RAPGEF5: variants seen among roughly 807,000 people sequenced by gnomAD.
RAPGEF5 encodes Rap guanine nucleotide exchange factor 5.
In RAPGEF5, 65 loss-of-function variants were observed where a neutral mutation model predicts 125.2. The ratio of observed to expected loss-of-function variants is 0.52; its 90% CI spans 0.43 to 0.64. The LOEUF is 0.64. RAPGEF5 is among the 30% of genes least tolerant of loss of function. RAPGEF5 has a pLI of 0.00. For missense variants in RAPGEF5, 958 were observed against 1,048.1 expected (o/e 0.91, Z 1.19); for synonymous variants, 391 against 385.9 (o/e 1.01, Z -0.16).
At chr7:22,253,193 T>C (rs1174067273) in intron 7 of RAPGEF5, among the ~76,000 whole-genome samples, 1 of 152,190 alleles carries the variant, frequency 6.6e-6, no homozygotes, top group Non-Finnish European at 1.5e-5. Context: ...GAAAACATCC[T>C]AGGAATCATC....
At chr7:22,296,443 C>T (rs1237556028) in intron 5 of RAPGEF5, among the ~76,000 whole-genome samples, 4 of 152,042 alleles carry the variant, frequency 2.6e-5, no homozygotes, top group Non-Finnish European at 5.9e-5. Context: ...CAGAATAGAA[C>T]GGGTAAGGCA....
chr7:22,315,957 G>A (rs777323613), intron 2 of RAPGEF5, among the ~76,000 whole-genome samples: 6 of 152,118 alleles, frequency 3.9e-5, no homozygotes, highest in Non-Finnish European at 8.8e-5. Context: ...CAATTTGACA[G>A]CAGGCTGCTT....
intron 1 of RAPGEF5, among the ~76,000 whole-genome samples, chr7:22,345,711 T>C (rs949337833): frequency 2.0e-5 from 3 of 150,170 alleles, no homozygotes; most frequent in Non-Finnish European, 4.4e-5. Context: ...TTTTTTTTTT[T>C]TTTTTTTTAG....
rs376545444 is a variant in RAPGEF5, at chr7:22,146,175, T to C, written c.2007+722A>G. Among the ~76,000 whole-genome samples the C allele has an allele frequency of 2.6e-5, 4 of 152,310 alleles. No homozygotes were observed. The East Asian group carries it at 5.8e-4, about 22-fold the overall frequency. ...TATGAGGACATTTGGGTCTCTAAAT[T>C]GGGCATGAGGTTCCTTCTTCAGAAG... On this transcript the variant is annotated intron_variant, in intron 19 of 25. Transcript: ENST00000665637.
At chr7:22,333,815 G>GTCC (rs1444088181) in intron 1 of RAPGEF5, among the ~76,000 whole-genome samples, 2 of 152,226 alleles carry the variant, frequency 1.3e-5, no homozygotes, top group African/African-American at 4.8e-5. Context: ...CACTGTATAG[G>GTCC]TGCTCTTGTG....
chr7:22,155,365 A>G (rs1378687464), intron 16 of RAPGEF5, among the ~76,000 whole-genome samples: 1 of 152,218 alleles, frequency 6.6e-6, no homozygotes, highest in East Asian at 1.9e-4. Context: ...TTTAATAGCA[A>G]TGGAAGTAAC....
At chr7:22,296,496 G>A (rs937441419) in intron 5 of RAPGEF5, among the ~76,000 whole-genome samples, 1 of 152,168 alleles carries the variant, frequency 6.6e-6, no homozygotes, top group Non-Finnish European at 1.5e-5. Context: ...AACTTCAGCA[G>A]GACCAAAAGC....
chr7:22,290,175 A>G (rs1056374765), intron 6 of RAPGEF5, among the ~76,000 whole-genome samples: 3 of 152,250 alleles, frequency 2.0e-5, no homozygotes, highest in Non-Finnish European at 2.9e-5. Context: ...AAAACTCTGT[A>G]CAGACCAGTT....
chr7:22,335,660 TCTC>T (rs1320330243), intron 1 of RAPGEF5, among the ~76,000 whole-genome samples: 1 of 147,188 alleles, frequency 6.8e-6, no homozygotes, highest in Non-Finnish European at 1.5e-5. Context: ...GCCATCTAGT[TCTC>T]CTTCCCTGAA....
rs113186661 is a variant in RAPGEF5, at chr7:22,232,137, G to GA, written c.797-1219dup. Among the ~76,000 whole-genome samples, 740 of 151,938 alleles carry GA rather than the reference G, an allele frequency of 4.9e-3. 10 individuals are homozygous for GA. The highest frequency in any genetic ancestry group is 0.026 in the South Asian group (125 of 4,810). ...TGCCAATGAATTGAATATGGAGAGA[G>GA]AAAAAAGAGATGAAGGAGAAGCAAT... On this transcript the variant is annotated intron_variant, in intron 7 of 25. Coordinates refer to ENST00000665637, the MANE Select transcript of RAPGEF5 (RefSeq NM_012294.5).
At chr7:22,302,326 C>G (rs1406166430) in intron 5 of RAPGEF5, among the ~76,000 whole-genome samples, 1 of 152,122 alleles carries the variant, frequency 6.6e-6, no homozygotes, top group Non-Finnish European at 1.5e-5. Context: ...TGTGGCTGAA[C>G]AGGGTGTATA....
At position 22,145,085 on chromosome 7, in the gene RAPGEF5, C is replaced by G; in HGVS notation, c.2145G>C (p.Lys715Asn). The change falls in exon 20 of 26, where the codon AAG becomes AAC. Residue 715 changes from lysine (K) to asparagine (N), a missense_variant. Physicochemically the swap from Lys to Asn is moderately conservative, Grantham distance 94. Transcript: ENST00000665637. ...TEILLCSQLG[K>N]RVQLVKKFIK... ...TGAATTTTTTCACCAGCTGCACTCGCTTGCCCAGCTGGCTGCAGAGCAGAA... is the reference window on the plus strand; with the variant it reads ...TGAATTTTTTCACCAGCTGCACTCGGTTGCCCAGCTGGCTGCAGAGCAGAA... 6.2e-7 allele frequency: 1 copy of G among 1,613,868 alleles called. No homozygotes were observed. The highest frequency in any genetic ancestry group is 8.5e-7 in the Non-Finnish European group (1 of 1,179,812).
At chr7:22,300,797 T>C (rs774210224) in intron 5 of RAPGEF5, among the ~76,000 whole-genome samples, 1 of 152,200 alleles carries the variant, frequency 6.6e-6, no homozygotes, top group Non-Finnish European at 1.5e-5. Context: ...CACAGAGCTC[T>C]GAACCTGGGA....
intron 11 of RAPGEF5, among the ~76,000 whole-genome samples, chr7:22,175,021 A>G (rs1005315970): frequency 6.6e-6 from 1 of 152,154 alleles, no homozygotes; most frequent in East Asian, 1.9e-4. Flanking sequence ...TGGGATATTC[A>G]TGTTTGGGCG....
chr7:22,288,408 T>C (rs1462050326), intron 6 of RAPGEF5, among the ~76,000 whole-genome samples: 2 of 152,078 alleles, frequency 1.3e-5, no homozygotes, highest in African/African-American at 4.8e-5. Context: ...CATAATTTAC[T>C]CAACTTCCTA....
At chr7:22,276,711 T>G (rs1304349816) in intron 6 of RAPGEF5, among the ~76,000 whole-genome samples, 1 of 152,156 alleles carries the variant, frequency 6.6e-6, no homozygotes, top group Non-Finnish European at 1.5e-5. Context: ...CTCTAATTAT[T>G]TTATGCCAAC....
rs140145715 is a variant in RAPGEF5 at position 22,355,553 on chromosome 7, C to A, written c.231+1277G>T. 1.1e-3 allele frequency among the ~76,000 whole-genome samples: 171 copies of A among 152,328 alleles called. 3 individuals carry two copies. In the East Asian group the frequency reaches 0.03, roughly 26 times the overall value. On this transcript the variant is annotated intron_variant, in intron 1 of 25. Transcript: ENST00000665637. Reference sequence around the variant, plus strand: ...TTTGCAGGCAATCCTAAATGCCACACATGTTAAGGTCACTTGTGGGCAATT... The same window carrying A: ...TTTGCAGGCAATCCTAAATGCCACAAATGTTAAGGTCACTTGTGGGCAATT...
At chr7:22,245,653 C>T (rs937750265) in intron 7 of RAPGEF5, among the ~76,000 whole-genome samples, 1 of 151,974 alleles carries the variant, frequency 6.6e-6, no homozygotes, top group Non-Finnish European at 1.5e-5. Flanking sequence ...TTTGAATTTC[C>T]ACATAAACTG....
At chr7:22,149,922 G>GAACTGAATT (rs1472344719) in intron 18 of RAPGEF5, among the ~76,000 whole-genome samples, 1 of 109,118 alleles carries the variant, frequency 9.2e-6, no homozygotes, top group African/African-American at 3.6e-5. Flanking sequence ...AAGTTGGATT[G>GAACTGAATT]AACTGAATTG....
Sources: gnomAD v4.1 joint callset for allele counts (sites outside exome capture counted in the v4.1 genomes callset) on GRCh38, gnomAD v4.1.1 for gene constraint, MANE v1.5 for transcripts, NCBI Gene and HGNC (gene_info 2026-07-23, HGNC 2026-07-21) for gene names.